GNAI1: variants seen among roughly 807,000 people sequenced by gnomAD.
The protein encoded by GNAI1 is G protein subunit alpha i1.
GNAI1 carries 11 observed loss-of-function variants against 38.9 expected under a neutral mutation model. The observed-to-expected ratio is 0.28, with a 90% CI of 0.18 to 0.47. GNAI1 has a LOEUF of 0.47. Among genes scored for constraint, GNAI1 ranks in the 20% least tolerant of loss-of-function variants. The pLI, the probability that GNAI1 is intolerant of heterozygous loss-of-function variation, is 0.99. For synonymous variants in GNAI1, 166 were observed against 145.1 expected (o/e 1.14, Z -1.04); for missense variants, 317 against 436.9 (o/e 0.73, Z 2.45).
intron 1 of GNAI1, among the ~76,000 whole-genome samples, chr7:80,175,135 C>T (rs990643333): frequency 2.0e-5 from 3 of 152,066 alleles, no homozygotes; most frequent in Non-Finnish European, 4.4e-5. Context: ...GGTTAGTCCA[C>T]CTTGGGATTG....
chr7:80,182,645 G>T (rs2115607599), intron 1 of GNAI1, among the ~76,000 whole-genome samples: 1 of 152,124 alleles, frequency 6.6e-6, no homozygotes, highest in South Asian at 2.1e-4. Context: ...TCCCAACCCA[G>T]GAATCCTCTT....
At chr7:80,173,841 A>G (rs995277207) in intron 1 of GNAI1, among the ~76,000 whole-genome samples, 1 of 152,068 alleles carries the variant, frequency 6.6e-6, no homozygotes, top group African/African-American at 2.4e-5. Flanking sequence ...CCTACGCTAT[A>G]TTGGTCCATG....
At chr7:80,135,417 T>A in intron 1 of GNAI1, 139 bp downstream of exon 1, 1 of 486,040 alleles carries the variant, frequency 2.1e-6, no homozygotes, top group Non-Finnish European at 3.4e-6. Flanking sequence ...GGTCCGGCGG[T>A]GCGGAGGCAA....
rs1465639683 is a variant in GNAI1 at position 80,222,639 on chromosome 7, G to A, written c.*5146G>A. ...TGACCTCAGGTAATCCGCCCACCTC[G>A]GCCGCCCAAAGTGCTGGGATTACAG... On this transcript the variant is annotated 3_prime_UTR_variant, in exon 8 of 8. Coordinates refer to ENST00000649796, the MANE Select transcript of GNAI1 (RefSeq NM_002069.6). Among the ~76,000 whole-genome samples, 6 of 151,852 alleles carry A rather than the reference G, an allele frequency of 4.0e-5. No individual in the cohort carries two copies. The highest frequency in any genetic ancestry group is 1.9e-4 in the East Asian group (1 of 5,166).
chr7:80,182,265 T>A (rs1426681220), intron 1 of GNAI1, among the ~76,000 whole-genome samples: 1 of 152,050 alleles, frequency 6.6e-6, no homozygotes, highest in African/African-American at 2.4e-5. Context: ...TAATTTAGAT[T>A]GATTGCATAA....
Position 80,154,926 on chromosome 7 carries a change from A to G in GNAI1, c.118+19648A>G, listed in dbSNP as rs1035084039. On this transcript the variant is annotated intron_variant, in intron 1 of 7. Coordinates refer to ENST00000649796, the MANE Select transcript of GNAI1 (RefSeq NM_002069.6). ...TAGGTTATAGATAAAATATTTTTTA[A>G]AGTAGATTCTTTTTCTATAAAATAT... Among the ~76,000 whole-genome samples the G allele has an allele frequency of 6.6e-5, 10 of 152,296 alleles. No homozygotes were observed. The East Asian group carries it at 1.9e-3, about 29-fold the overall frequency.
intron 5 of GNAI1, among the ~76,000 whole-genome samples, 185 bp from the exon 6 acceptor site, chr7:80,210,784 G>T (rs1272399898): frequency 1.4e-5 from 2 of 146,638 alleles, no homozygotes; most frequent in Non-Finnish European, 3.0e-5. Flanking sequence ...TTAAAAACTA[G>T]CAGGTTTTTT....
At chr7:80,173,976 G>A (rs1265876885) in intron 1 of GNAI1, among the ~76,000 whole-genome samples, 1 of 152,142 alleles carries the variant, frequency 6.6e-6, no homozygotes, top group Non-Finnish European at 1.5e-5. Flanking sequence ...TAGGGCCCAC[G>A]TTGATAAGGG....
chr7:80,150,558 ACAT>A (rs1456567942), intron 1 of GNAI1, among the ~76,000 whole-genome samples: 1 of 152,338 alleles, frequency 6.6e-6, no homozygotes, highest in East Asian at 1.9e-4. Flanking sequence ...GAGAGGATAA[ACAT>A]CAAATTCAGA....
rs563711033 is a variant in GNAI1 at position 80,172,786 on chromosome 7, C to G, written c.119-16165C>G. 3.3e-5 allele frequency among the ~76,000 whole-genome samples: 5 copies of G among 152,260 alleles called. No homozygotes were observed. In the East Asian group the frequency reaches 9.6e-4, roughly 29 times the overall value. ...ACTTATTTTCTTTCCGTGGCATTCA[C>G]CTTAGTTTTCACGAGGAAAACCAAA... On this transcript the variant is annotated intron_variant, in intron 1 of 7. Coordinates refer to ENST00000649796, the MANE Select transcript of GNAI1 (RefSeq NM_002069.6).
chr7:80,216,135 A>G (rs1393135912), intron 7 of GNAI1, among the ~76,000 whole-genome samples: 1 of 152,188 alleles, frequency 6.6e-6, no homozygotes, highest in Non-Finnish European at 1.5e-5. Context: ...AGAGCATTAC[A>G]TTATATACAT....
At chr7:80,205,441 G>T (rs1332809563) in intron 5 of GNAI1, among the ~76,000 whole-genome samples, 2 of 152,006 alleles carry the variant, frequency 1.3e-5, no homozygotes, top group African/African-American at 4.8e-5. Context: ...CCCAAATTGA[G>T]CACACTCCAG....
intron 1 of GNAI1, among the ~76,000 whole-genome samples, chr7:80,167,299 TC>T (rs1303052428): frequency 6.6e-6 from 1 of 152,324 alleles, no homozygotes; most frequent in Non-Finnish European, 1.5e-5. Flanking sequence ...ATTTGTAGCG[TC>T]TGTAGTATGT....
In GNAI1 at chr7:80,210,325, G is replaced by A. The variant is rs567323403; in HGVS notation, c.591-644G>A. On this transcript the variant is annotated intron_variant, in intron 5 of 7. Transcript: ENST00000649796. ...GAATTTTTTTCATTCTAAATTTTAAGGCCATTCAGTAGGATCCCTCATTTA... is the reference window on the plus strand; with the variant it reads ...GAATTTTTTTCATTCTAAATTTTAAAGCCATTCAGTAGGATCCCTCATTTA... Among the ~76,000 whole-genome samples, 5 of 152,090 alleles carry A rather than the reference G, an allele frequency of 3.3e-5. No homozygotes were observed. The East Asian group carries it at 9.7e-4, about 29-fold the overall frequency.
chr7:80,181,067 A>C (rs1012405837), intron 1 of GNAI1, among the ~76,000 whole-genome samples: 17 of 152,120 alleles, frequency 1.1e-4, no homozygotes, highest in Non-Finnish European at 2.5e-4. Context: ...GGGAGGAAAA[A>C]AAAATCACTG....
At chr7:80,213,102 A>G (rs907917063) in intron 7 of GNAI1, among the ~76,000 whole-genome samples, 1 of 152,218 alleles carries the variant, frequency 6.6e-6, no homozygotes, top group Non-Finnish European at 1.5e-5. Context: ...ATTTTTAGTG[A>G]TGACTCCAAG....
In GNAI1 at chr7:80,199,308, A is replaced by G. The variant is rs774126663; in HGVS notation, c.387A>G (p.Arg129=). Reference sequence around the variant, plus strand: ...CAGAACTTGCTGGAGTTATAAAGAGATTGTGGAAAGATAGTGGTGTACAAG... The same window carrying G: ...CAGAACTTGCTGGAGTTATAAAGAGGTTGTGGAAAGATAGTGGTGTACAAG... ...MTAELAGVIK[R]LWKDSGVQAC... is the part of the protein sequence containing the mutation. The change falls in exon 4 of 8, where the codon AGA becomes AGG. Residue 129 remains arginine, a synonymous_variant. Transcript: ENST00000649796. 4 of 1,613,350 alleles carry G rather than the reference A, an allele frequency of 2.5e-6. No homozygotes were observed. The South Asian group carries it at 4.4e-5, about 18-fold the overall frequency.
chr7:80,160,248 A>C (rs1311639858), intron 1 of GNAI1, among the ~76,000 whole-genome samples: 1 of 152,074 alleles, frequency 6.6e-6, no homozygotes, highest in African/African-American at 2.4e-5. Flanking sequence ...GTAGGTAACA[A>C]AAACAAAACA....
At chr7:80,203,161 A>T (rs765930091) in intron 4 of GNAI1, among the ~76,000 whole-genome samples, 17 of 152,234 alleles carry the variant, frequency 1.1e-4, no homozygotes, top group Non-Finnish European at 2.2e-4. Context: ...GTATTGATTT[A>T]GAGAGCAGTA....
Sources: gnomAD v4.1 joint callset for allele counts (sites outside exome capture counted in the v4.1 genomes callset) on GRCh38, gnomAD v4.1.1 for gene constraint, MANE v1.5 for transcripts, NCBI Gene and HGNC (gene_info 2026-07-23, HGNC 2026-07-21) for gene names.